Variants in GABRG3 observed in about 807,000 individuals in gnomAD.
GABRG3 encodes gamma-aminobutyric acid type A receptor subunit gamma3, also known as gamma-aminobutyric acid receptor subunit gamma-3.
A neutral mutation model predicts 48.8 loss-of-function variants in GABRG3; 25 were observed. That is an observed-to-expected ratio of 0.51 (90% CI 0.37 to 0.72). The LOEUF is 0.72. Among genes scored for constraint, GABRG3 ranks in the 30% least tolerant of loss-of-function variants. The pLI is 0.00. For synonymous variants in GABRG3, 227 were observed against 217.6 expected, an observed-to-expected ratio of 1.04 and a Z score of -0.38; for missense variants, 394 against 577.9, an observed-to-expected ratio of 0.68 and a Z score of 3.26.
chr15:27,301,303 A>C (rs537086412), intron 3 of GABRG3, among the ~76,000 whole-genome samples: 2 of 152,244 alleles, frequency 1.3e-5, no homozygotes, highest in South Asian at 4.1e-4. Flanking sequence ...TTGCTTTCTA[A>C]AGTCACATTT....
chr15:27,443,223 C>G (rs114144443), intron 5 of GABRG3, among the ~76,000 whole-genome samples: 1 of 152,106 alleles, frequency 6.6e-6, no homozygotes, highest in Non-Finnish European at 1.5e-5. Flanking sequence ...AGGAGGAAGA[C>G]GACCATCTTC....
intron 3 of GABRG3, among the ~76,000 whole-genome samples, chr15:27,070,173 A>C (rs1485536622): frequency 6.6e-6 from 1 of 152,246 alleles, no homozygotes; most frequent in African/African-American, 2.4e-5. Context: ...TCTTGTCTGC[A>C]AAACAAAACC....
At chr15:26,982,514 C>A (rs768009939) in intron 2 of GABRG3, among the ~76,000 whole-genome samples, 1 of 152,176 alleles carries the variant, frequency 6.6e-6, no homozygotes, top group Non-Finnish European at 1.5e-5. Flanking sequence ...CAAGCCTATT[C>A]AAAAATATTC....
chr15:27,204,579 G>A (rs1365930145), intron 3 of GABRG3, among the ~76,000 whole-genome samples: 1 of 151,936 alleles, frequency 6.6e-6, no homozygotes, highest in African/African-American at 2.4e-5. Context: ...TGAAAAAAAT[G>A]TTATTGGTAG....
chr15:27,451,284 G>C (rs941589775), intron 5 of GABRG3, among the ~76,000 whole-genome samples: 24 of 152,076 alleles, frequency 1.6e-4, no homozygotes, highest in African/African-American at 5.8e-4. Context: ...TTGATTTCAA[G>C]TTATATCATA....
intron 2 of GABRG3, among the ~76,000 whole-genome samples, chr15:27,003,501 T>C (rs1049229243): frequency 2.6e-5 from 4 of 151,932 alleles, no homozygotes; most frequent in African/African-American, 9.7e-5. Flanking sequence ...TAACCCTGAG[T>C]GGACACAGCA....
At chr15:26,982,855 G>C (rs547616849) in intron 2 of GABRG3, among the ~76,000 whole-genome samples, 1 of 152,134 alleles carries the variant, frequency 6.6e-6, no homozygotes, top group Admixed American at 6.5e-5. Context: ...TGACTTTAAC[G>C]TTCCACCATG....
Position 27,535,593 on chromosome 15 carries a change from A to G in GABRG3, c.*2712A>G, listed in dbSNP as rs1318634207. 2.0e-5 allele frequency: 3 copies of G among 152,218 alleles called. No homozygotes were observed. The highest frequency in any genetic ancestry group is 7.2e-5 in the African/African-American group (3 of 41,454). The allele number at this position is 152,218 out of a possible 1,614,324, so 9.4% of individuals were successfully genotyped here. ...TGAGCATCATAGTGTGGATTCCTGCATATACAGCAGGCTCCCCACTAGGGG... is the reference window on the plus strand; with the variant it reads ...TGAGCATCATAGTGTGGATTCCTGCGTATACAGCAGGCTCCCCACTAGGGG... On this transcript the variant is annotated 3_prime_UTR_variant, in exon 10 of 10. Transcript: ENST00000615808.
intron 3 of GABRG3, among the ~76,000 whole-genome samples, chr15:27,221,610 A>G (rs1889456553): frequency 6.6e-6 from 1 of 152,108 alleles, no homozygotes; most frequent in South Asian, 2.1e-4. Context: ...CCCATGGCTT[A>G]CCTATCAAAC....
At chr15:27,089,048 G>A (rs1231405556) in intron 3 of GABRG3, among the ~76,000 whole-genome samples, 1 of 152,154 alleles carries the variant, frequency 6.6e-6, no homozygotes, top group Non-Finnish European at 1.5e-5. Context: ...GCGTCTGAGA[G>A]CAGAATGTCG....
rs769110542 is a variant in GABRG3, at chr15:27,489,806, TC to T, written c.712+9022del. 1.1e-4 allele frequency among the ~76,000 whole-genome samples: 16 copies of T among 152,336 alleles called. No individual in the cohort carries two copies. In the South Asian group the frequency reaches 3.3e-3, roughly 32 times the overall value. On this transcript the variant is annotated intron_variant, in intron 6 of 9. Coordinates refer to ENST00000615808, the MANE Select transcript of GABRG3 (RefSeq NM_033223.5). The stretch of plus-strand genomic sequence containing the variant: ...AGATGGATAGATTGCAAAAATTTCC[TC>T]CCATTCTATAGGTCGCCTGTTCATT...
chr15:27,311,944 CG>C (rs1893010605), intron 3 of GABRG3, among the ~76,000 whole-genome samples: 1 of 151,776 alleles, frequency 6.6e-6, no homozygotes, highest in Non-Finnish European at 1.5e-5. Flanking sequence ...AATGAAGAAA[CG>C]GTAATATTTC....
intron 3 of GABRG3, among the ~76,000 whole-genome samples, chr15:27,216,181 T>C (rs116242146): frequency 2.3e-3 from 357 of 152,288 alleles, no homozygotes; most frequent in African/African-American, 8.3e-3. Flanking sequence ...CAGGCTGCCT[T>C]TGTGGGCATT....
intron 9 of GABRG3, among the ~76,000 whole-genome samples, chr15:27,529,863 A>G (rs1181758016): frequency 2.0e-5 from 3 of 151,726 alleles, no homozygotes; most frequent in African/African-American, 7.3e-5. Context: ...ACAGAAAAAG[A>G]TATTATCACA....
At position 26,972,635 on chromosome 15, in the gene GABRG3, G is replaced by A. The variant is rs116678470; in HGVS notation, c.53+1047G>A. 5.3e-3 allele frequency among the ~76,000 whole-genome samples: 801 copies of A among 152,204 alleles called. 4 individuals carry two copies. The highest frequency in any genetic ancestry group is 0.016 in the African/African-American group (674 of 41,542). On this transcript the variant is annotated intron_variant, in intron 1 of 9. Coordinates refer to ENST00000615808, the MANE Select transcript of GABRG3 (RefSeq NM_033223.5). Reference sequence around the variant, plus strand: ...CTAGAGAATCAGAGGGCATCCTTGCGTGCACAAGCCTGGCCACCATCAGGA... The same window carrying A: ...CTAGAGAATCAGAGGGCATCCTTGCATGCACAAGCCTGGCCACCATCAGGA...
At chr15:27,098,939 TG>T (rs981893262) in intron 3 of GABRG3, among the ~76,000 whole-genome samples, 15 of 152,250 alleles carry the variant, frequency 9.9e-5, no homozygotes, top group African/African-American at 3.1e-4. Context: ...GCGGATTGCC[TG>T]GTGACCTTGG....
chr15:26,997,130 GATT>G (rs1382435252), intron 2 of GABRG3, among the ~76,000 whole-genome samples: 3 of 151,890 alleles, frequency 2.0e-5, no homozygotes, highest in Non-Finnish European at 2.9e-5. Flanking sequence ...TTTTCATTTT[GATT>G]ATTGTACTTT....
intron 6 of GABRG3, among the ~76,000 whole-genome samples, chr15:27,504,797 C>G (rs992895881): frequency 1.6e-4 from 25 of 151,896 alleles, no homozygotes; most frequent in African/African-American, 6.0e-4. Context: ...CTAGGAAAGT[C>G]TTTATTTTGC....
intron 2 of GABRG3, among the ~76,000 whole-genome samples, chr15:27,020,677 A>G (rs4567673): frequency 0.23 from 34,269 of 151,478 alleles, 4,641 homozygotes; most frequent in African/African-American, 0.39. Context: ...TCTGCCTCCC[A>G]AAGTGCTGGG....
Sources: allele counts gnomAD v4.1 joint callset (sites outside exome capture counted in the v4.1 genomes callset), GRCh38; gene constraint gnomAD v4.1.1; transcripts MANE v1.5; gene names NCBI Gene and HGNC (gene_info 2026-07-23, HGNC 2026-07-21).